The following XXYLT1 variants were observed in gnomAD, a reference collection of about 807,000 sequenced individuals.
XXYLT1 encodes xyloside xylosyltransferase 1, also known as UDP-xylose:alpha-xyloside alpha-1,3-xylosyltransferase.
XXYLT1 carries 20 observed loss-of-function variants against 28.9 expected under a neutral mutation model. The ratio of observed to expected loss-of-function variants is 0.69; its 90% CI spans 0.49 to 1.00. XXYLT1 has a LOEUF of 1.00. XXYLT1 is among the 50% of genes least tolerant of loss of function. XXYLT1 has a pLI of 0.00. For missense variants in XXYLT1, 542 were observed against 560.1 expected, an observed-to-expected ratio of 0.97 and a Z score of 0.33; for synonymous variants, 257 against 253.8, an observed-to-expected ratio of 1.01 and a Z score of -0.12.
chr3:195,146,272 G>A (rs912128064), intron 3 of XXYLT1, among the ~76,000 whole-genome samples: 2 of 152,230 alleles, frequency 1.3e-5, no homozygotes. Flanking sequence ...GGATTCAACT[G>A]TGCTATTTTG....
intron 1 of XXYLT1, among the ~76,000 whole-genome samples, chr3:195,233,328 CTT>C (rs1724383370): frequency 6.6e-6 from 1 of 152,052 alleles, no homozygotes; most frequent in South Asian, 2.1e-4. Flanking sequence ...TTCATTCACT[CTT>C]TGTCTTTTGA....
At position 195,133,043 on chromosome 3, in the gene XXYLT1, TACA is replaced by T. The variant is rs1213551883; in HGVS notation, c.785+23403_785+23405del. On this transcript the variant is annotated intron_variant, in intron 3 of 3. Transcript: ENST00000310380. This position sits in a 1 kb window ranked among gnomAD's most constrained non-coding sequence, Gnocchi z 4.4. ...GCTGAGTTCTAGTGAAACAAAAGCT[TACA>T]ACATCATAAATAAAAAACCCTGCTT... Among the ~76,000 whole-genome samples, 1 of 152,168 alleles carries T rather than the reference TACA, an allele frequency of 6.6e-6. No individual in the cohort carries two copies. Among genetic ancestry groups the T allele is most frequent in the African/African-American group, 2.4e-5 (1 of 41,424 alleles).
intron 1 of XXYLT1, among the ~76,000 whole-genome samples, chr3:195,237,830 A>G (rs147846174): frequency 6.2e-4 from 94 of 151,916 alleles, no homozygotes; most frequent in Non-Finnish European, 1.1e-3. Flanking sequence ...TTTGTTTTTA[A>G]TACTTTTTTC....
In XXYLT1 at chr3:195,180,524, G is replaced by T; in HGVS notation, c.653-23943C>A. On this transcript the variant is annotated intron_variant, in intron 2 of 3. Transcript: ENST00000310380. This position sits in a 1 kb window ranked among gnomAD's most constrained non-coding sequence, Gnocchi z 5.8. ...TTCCTGGCTCTGTAGCCCTTGAAAA[G>T]AAGCAAACAAACAGATAAGGGTCAG... The T allele has an allele frequency of 1.0e-6, 1 of 985,470 alleles. No homozygotes were observed. The highest frequency in any genetic ancestry group is 4.7e-5 in the South Asian group (1 of 21,290). 61.0% of individuals were successfully genotyped at this position (985,470 alleles called of 1,614,324 possible).
At chr3:195,089,320 T>C (rs879102578) in intron 3 of XXYLT1, among the ~76,000 whole-genome samples, 26 of 152,114 alleles carry the variant, frequency 1.7e-4, no homozygotes, top group Non-Finnish European at 3.2e-4. Context: ...AGACTAACAG[T>C]GGATCTCTCG....
intron 2 of XXYLT1, among the ~76,000 whole-genome samples, chr3:195,178,221 G>C (rs1721769823): frequency 6.6e-6 from 1 of 151,870 alleles, no homozygotes; most frequent in Admixed American, 6.6e-5. Context: ...AGAAAGTCTG[G>C]ATGCTCTCCC....
chr3:195,255,648 G>T lies in XXYLT1; in HGVS notation c.504+14907C>A, dbSNP rs971959595. Among the ~76,000 whole-genome samples the T allele has an allele frequency of 6.6e-6, 1 of 152,116 alleles. No homozygotes were observed. Among genetic ancestry groups the T allele is most frequent in the African/African-American group, 2.4e-5 (1 of 41,406 alleles). The stretch of plus-strand genomic sequence containing the variant: ...CAAGCACAGCGTAGAACTGGCTTCC[G>T]AACACAAGGGAAGGCAGGCAGGGAG... On this transcript the variant is annotated intron_variant, in intron 1 of 3. Coordinates refer to ENST00000310380, the MANE Select transcript of XXYLT1 (RefSeq NM_152531.5). The surrounding 1 kb of genome is among the most constrained non-coding windows in gnomAD (Gnocchi z 4.5).
chr3:195,225,410 T>TCAA (rs1327652027), intron 2 of XXYLT1, among the ~76,000 whole-genome samples: 1 of 152,164 alleles, frequency 6.6e-6, no homozygotes, highest in Non-Finnish European at 1.5e-5. Context: ...GAACCGAGCT[T>TCAA]CAACTCTCAA....
rs1724083663 is a variant in XXYLT1, at chr3:195,226,970, T to G, written c.505-114A>C. 3.0e-6 allele frequency: 4 copies of G among 1,324,610 alleles called. No homozygotes were observed. The South Asian group carries it at 5.8e-5, about 19-fold the overall frequency. The allele number at this position is 1,324,610 out of a possible 1,614,324, so 82.1% of individuals were successfully genotyped here. A position where few individuals can be genotyped will look rare whatever the true frequency, so the allele number is the denominator to read the frequency against. ...AGAGGCAGACAGTGCCTCTCCAGGG[T>G]CCACAAGCAGGGGATGGGGCTAGGG... On this transcript the variant is annotated intron_variant, in intron 1 of 3. Coordinates refer to ENST00000310380, the MANE Select transcript of XXYLT1 (RefSeq NM_152531.5).
chr3:195,070,048 C>T lies in XXYLT1; in HGVS notation c.849G>A (p.Glu283=), dbSNP rs1210021534. The T allele has an allele frequency of 6.3e-7, 1 of 1,598,990 alleles. No individual in the cohort carries two copies. Among genetic ancestry groups the T allele is most frequent in the Non-Finnish European group, 8.5e-7 (1 of 1,178,856 alleles). The change falls in exon 4 of 4, where the codon GAG becomes GAA. Residue 283 remains glutamate, a synonymous_variant. Coordinates refer to ENST00000310380, the MANE Select transcript of XXYLT1 (RefSeq NM_152531.5). ...PQTRVGGPPP[E]GLPGFNSGVM... is the part of the protein sequence containing the mutation. ...CCCCGCTGTTGAAGCCCGGCAGCCC[C>T]TCGGGGGGCGGGCCCCCAACCCGGG... is the stretch of plus-strand genomic sequence containing the variant.
At chr3:195,213,003 G>C (rs1430839725) in intron 2 of XXYLT1, among the ~76,000 whole-genome samples, 1 of 152,196 alleles carries the variant, frequency 6.6e-6, no homozygotes, top group African/African-American at 2.4e-5. Context: ...CACAATTCAT[G>C]ATCCACGGAA....
intron 2 of XXYLT1, chr3:195,184,839 T>C (rs1473777334): frequency 2.0e-5 from 20 of 983,880 alleles, no homozygotes; most frequent in Non-Finnish European, 2.4e-5. Context: ...CAAATCATTC[T>C]CATTCATCTT....
chr3:195,118,203 G>A (rs1471239388), intron 3 of XXYLT1, among the ~76,000 whole-genome samples: 2 of 152,156 alleles, frequency 1.3e-5, no homozygotes, highest in Non-Finnish European at 2.9e-5. Context: ...TACTCCTCCA[G>A]TGAGACACAG....
At chr3:195,220,633 C>T (rs551197951) in intron 2 of XXYLT1, among the ~76,000 whole-genome samples, 50 of 152,136 alleles carry the variant, frequency 3.3e-4, no homozygotes, top group African/African-American at 1.0e-3. Context: ...TGCCTCAGTG[C>T]TCCCTACACT....
chr3:195,070,179 G>A (rs1388391123), intron 3 of XXYLT1, 68 bp from the exon 4 acceptor site: 13 of 1,493,334 alleles, frequency 8.7e-6, no homozygotes, highest in African/African-American at 1.4e-5. Flanking sequence ...GCTGCCCTGG[G>A]TCTTCACAGC....
intron 3 of XXYLT1, among the ~76,000 whole-genome samples, chr3:195,102,092 AG>A (rs1189674375): frequency 8.3e-6 from 1 of 120,712 alleles, no homozygotes; most frequent in Non-Finnish European, 1.7e-5. Flanking sequence ...AAGGGAGGGG[AG>A]GGGAGGGGGA....
At chr3:195,143,625 C>T (rs373636533) in intron 3 of XXYLT1, among the ~76,000 whole-genome samples, 29 of 151,354 alleles carry the variant, frequency 1.9e-4, no homozygotes, top group African/African-American at 5.6e-4. Flanking sequence ...ATTGTAAAAA[C>T]GTGTCTTACT....
chr3:195,143,287 A>T (rs1000062257), intron 3 of XXYLT1, among the ~76,000 whole-genome samples: 5 of 152,116 alleles, frequency 3.3e-5, no homozygotes, highest in Admixed American at 6.6e-5. Context: ...CGGTGGGAGC[A>T]TTTGGCCAGT....
intron 2 of XXYLT1, among the ~76,000 whole-genome samples, chr3:195,186,756 T>C (rs1193594142): frequency 6.6e-6 from 1 of 152,008 alleles, no homozygotes; most frequent in African/African-American, 2.4e-5. Flanking sequence ...ACCCCATCTG[T>C]TTTTCTAACC....
Sources: gnomAD v4.1 joint callset for allele counts (sites outside exome capture counted in the v4.1 genomes callset) on GRCh38, gnomAD v4.1.1 for gene constraint, Gnocchi (gnomAD v3.1) non-coding constraint, MANE v1.5 for transcripts, NCBI Gene and HGNC (gene_info 2026-07-23, HGNC 2026-07-21) for gene names.